Variants in ARID2 observed in about 807,000 individuals in gnomAD.
ARID2 encodes the protein AT-rich interactive domain-containing protein 2.
Under a neutral mutation model 184.6 loss-of-function variants are expected in ARID2, and 32 were observed. The ratio of observed to expected loss-of-function variants is 0.17; its 90% CI spans 0.13 to 0.23. The LOEUF is 0.23. Among genes scored for constraint, ARID2 ranks in the 10% least tolerant of loss-of-function variants. The pLI is 1.00. For missense variants in ARID2, 1,696 were observed against 2,197.6 expected, an observed-to-expected ratio of 0.77 and a Z score of 4.56; for synonymous variants, 836 against 772.6, an observed-to-expected ratio of 1.08 and a Z score of -1.36.
At chr12:45,889,628 A>G (rs1473220631) in intron 16 of ARID2, among the ~76,000 whole-genome samples, 1 of 152,208 alleles carries the variant, frequency 6.6e-6, no homozygotes, top group Non-Finnish European at 1.5e-5. Context: ...CCAATATTAC[A>G]CGTAAACTTT....
chr12:45,817,921 T>G, intron 5 of ARID2, 33 bp downstream of exon 5: 1 of 1,537,912 alleles, frequency 6.5e-7, no homozygotes, highest in Non-Finnish European at 8.7e-7. Flanking sequence ...TATATAATTC[T>G]TCTGTAAAAG....
intron 3 of ARID2, among the ~76,000 whole-genome samples, chr12:45,810,014 C>T (rs1267666900): frequency 6.6e-6 from 1 of 152,200 alleles, no homozygotes; most frequent in Non-Finnish European, 1.5e-5. Flanking sequence ...GGGTAGGTAG[C>T]TGCCAAGCTT....
chr12:45,840,318 C>T (rs1216779597), intron 11 of ARID2: 1 of 152,084 alleles, frequency 6.6e-6, no homozygotes, highest in African/African-American at 2.4e-5. Flanking sequence ...GATCTTAATT[C>T]TCACTTTGCA....
At chr12:45,778,253 A>C (rs1379525302) in intron 3 of ARID2, among the ~76,000 whole-genome samples, 1 of 151,760 alleles carries the variant, frequency 6.6e-6, no homozygotes, top group Non-Finnish European at 1.5e-5. Flanking sequence ...TTCCCCCCCC[A>C]ACCCGCAAGA....
intron 6 of ARID2, among the ~76,000 whole-genome samples, chr12:45,824,021 T>C (rs189440806): frequency 2.6e-5 from 4 of 152,176 alleles, no homozygotes; most frequent in Admixed American, 6.5e-5. Flanking sequence ...CGAACATAGA[T>C]GCAAAAGTCC....
intron 15 of ARID2, among the ~76,000 whole-genome samples, chr12:45,855,017 T>C (rs7310702): frequency 0.11 from 17,010 of 152,202 alleles, 3,062 homozygotes; most frequent in African/African-American, 0.38. Context: ...CCTTTCTTCT[T>C]TCCACTGTTC....
At chr12:45,795,470 C>T (rs1032375950) in intron 3 of ARID2, among the ~76,000 whole-genome samples, 4 of 152,076 alleles carry the variant, frequency 2.6e-5, no homozygotes, top group East Asian at 1.9e-4. Context: ...CTCGCTCTGT[C>T]GCCCAGGCTG....
intron 20 of ARID2, among the ~76,000 whole-genome samples, chr12:45,904,015 T>C (rs911297063): frequency 2.0e-5 from 3 of 152,160 alleles, no homozygotes; most frequent in Admixed American, 1.3e-4. Context: ...TTCTGGGTGA[T>C]TTTTACCATT....
At chr12:45,800,184 T>G (rs1009204436) in intron 3 of ARID2, among the ~76,000 whole-genome samples, 3 of 152,098 alleles carry the variant, frequency 2.0e-5, no homozygotes, top group Non-Finnish European at 4.4e-5. Context: ...GACTCATAGA[T>G]AGTTAACAAA....
intron 3 of ARID2, among the ~76,000 whole-genome samples, chr12:45,775,274 G>C (rs886571274): frequency 7.2e-5 from 11 of 152,158 alleles, no homozygotes; most frequent in Non-Finnish European, 1.5e-4. Flanking sequence ...TGCCATCTCA[G>C]AGAAAACCTA....
At chr12:45,837,921 A>G (rs932537157) in intron 10 of ARID2, among the ~76,000 whole-genome samples, 1 of 152,168 alleles carries the variant, frequency 6.6e-6, no homozygotes, top group African/African-American at 2.4e-5. Context: ...GTTATGCAAC[A>G]TTGTCTTGTT....
At position 45,860,175 on chromosome 12, in the gene ARID2, T is replaced by C. The variant is rs376798975; in HGVS notation, c.4774-626T>C. Among the ~76,000 whole-genome samples the C allele has an allele frequency of 2.3e-3, 345 of 152,336 alleles. 12 individuals carry two copies. The South Asian group carries it at 0.068, about 30-fold the overall frequency. ...ATTTGAGATTATAGTGAGCTATGAT[T>C]ATGCCTCTGTAACCTGCCCAGGCAA... On this transcript the variant is annotated intron_variant, in intron 15 of 20. Transcript: ENST00000334344.
chr12:45,777,119 T>A (rs1302247144), intron 3 of ARID2, among the ~76,000 whole-genome samples: 1 of 151,770 alleles, frequency 6.6e-6, no homozygotes, highest in Non-Finnish European at 1.5e-5. Flanking sequence ...AATAAGATAT[T>A]TTATATAAAA....
chr12:45,888,656 A>C (rs1206410751), intron 16 of ARID2, among the ~76,000 whole-genome samples: 1 of 152,104 alleles, frequency 6.6e-6, no homozygotes, highest in African/African-American at 2.4e-5. Flanking sequence ...TTGGCCTACT[A>C]TTTTCCAAAT....
chr12:45,807,409 T>C (rs1435721428), intron 3 of ARID2, among the ~76,000 whole-genome samples: 1 of 152,130 alleles, frequency 6.6e-6, no homozygotes. Flanking sequence ...TTATAAGTAT[T>C]CTACCAAAAT....
chr12:45,780,436 CT>C (rs1942067835), intron 3 of ARID2, among the ~76,000 whole-genome samples: 1 of 151,748 alleles, frequency 6.6e-6, no homozygotes, highest in Non-Finnish European at 1.5e-5. Context: ...TTAGTATCTG[CT>C]TTTTTTCATT....
At chr12:45,845,424 T>C (rs1349286164) in intron 11 of ARID2, among the ~76,000 whole-genome samples, 1 of 152,160 alleles carries the variant, frequency 6.6e-6, no homozygotes, top group East Asian at 1.9e-4. Flanking sequence ...CTCTAAAATG[T>C]GACAGACCTG....
At chr12:45,853,936 A>T (rs981942160) in intron 15 of ARID2, among the ~76,000 whole-genome samples, 1 of 152,226 alleles carries the variant, frequency 6.6e-6, no homozygotes, top group East Asian at 1.9e-4. Flanking sequence ...CCCTTTAGGA[A>T]CTGGGCCACA....
intron 3 of ARID2, among the ~76,000 whole-genome samples, chr12:45,773,812 A>G (rs1941924614): frequency 6.6e-6 from 1 of 152,190 alleles, no homozygotes; most frequent in Admixed American, 6.5e-5. Flanking sequence ...TCTGCCAAAC[A>G]TTGAAAGGAA....
Sources: gnomAD v4.1 joint callset for allele counts (sites outside exome capture counted in the v4.1 genomes callset) on GRCh38, gnomAD v4.1.1 for gene constraint, MANE v1.5 for transcripts, NCBI Gene and HGNC (gene_info 2026-07-23, HGNC 2026-07-21) for gene names.